UBE2E2: variants seen among roughly 807,000 people sequenced by gnomAD.
The protein encoded by UBE2E2 is ubiquitin-conjugating enzyme E2 E2.
UBE2E2 carries 6 observed loss-of-function variants against 24.7 expected under a neutral mutation model. The ratio of observed to expected loss-of-function variants is 0.24; its 90% CI spans 0.13 to 0.48. The LOEUF is 0.48. Among genes scored for constraint, UBE2E2 ranks in the 20% least tolerant of loss-of-function variants. UBE2E2 has a pLI of 0.99. For synonymous variants in UBE2E2, 104 were observed against 83.6 expected (o/e 1.24, Z -1.33); for missense variants, 169 against 245.0 (o/e 0.69, Z 2.07).
At chr3:23,512,370 AC>A (rs1694619363) in intron 4 of UBE2E2, among the ~76,000 whole-genome samples, 1 of 151,952 alleles carries the variant, frequency 6.6e-6, no homozygotes, top group Non-Finnish European at 1.5e-5. Flanking sequence ...GGCATGTGCC[AC>A]CATGCCTGGC....
intron 3 of UBE2E2, among the ~76,000 whole-genome samples, chr3:23,464,395 A>G (rs1439676230): frequency 1.3e-5 from 2 of 152,202 alleles, no homozygotes; most frequent in Non-Finnish European, 2.9e-5. Flanking sequence ...ATGTCTGCTT[A>G]GTATCTGCAT....
At chr3:23,244,896 A>G (rs1697353882) in intron 3 of UBE2E2, among the ~76,000 whole-genome samples, 2 of 152,188 alleles carry the variant, frequency 1.3e-5, no homozygotes, top group South Asian at 2.1e-4. Context: ...GATCTGAAGA[A>G]CAGTGATAAA....
chr3:23,534,295 T>C, intron 5 of UBE2E2: 3 of 947,636 alleles, frequency 3.2e-6, no homozygotes, highest in Non-Finnish European at 3.8e-6. Context: ...AAGCCTTCTC[T>C]CAGCAATCAA....
chr3:23,271,247 A>G (rs370680269), intron 3 of UBE2E2: 41 of 356,792 alleles, frequency 1.1e-4, no homozygotes, highest in South Asian at 8.4e-4. Context: ...GTTCTTAAAG[A>G]TGGTGTGTCT....
At chr3:23,295,226 A>C (rs1243252935) in intron 3 of UBE2E2, among the ~76,000 whole-genome samples, 1 of 152,090 alleles carries the variant, frequency 6.6e-6, no homozygotes, top group African/African-American at 2.4e-5. Flanking sequence ...CTCTGAAACT[A>C]TCTCCCTTGA....
rs182455896 is a variant in UBE2E2 at position 23,225,354 on chromosome 3, T to C, written c.227+8042T>C. Among the ~76,000 whole-genome samples, 98 of 152,280 alleles carry C rather than the reference T, an allele frequency of 6.4e-4. 5 individuals are homozygous for C. In the East Asian group the frequency reaches 0.015, roughly 24 times the overall value. ...TGTTGTTTGTGCATTTGGTGTCATATCTTAGAAACCATTGCCTAATCCAAG... is the reference window on the plus strand; with the variant it reads ...TGTTGTTTGTGCATTTGGTGTCATACCTTAGAAACCATTGCCTAATCCAAG... On this transcript the variant is annotated intron_variant, in intron 3 of 5. Transcript: ENST00000396703.
chr3:23,266,368 C>G (rs1336794150), intron 3 of UBE2E2, among the ~76,000 whole-genome samples: 2 of 152,224 alleles, frequency 1.3e-5, no homozygotes, highest in East Asian at 3.9e-4. Flanking sequence ...TCAGCATTTG[C>G]TTGTCTGTAA....
At position 23,354,055 on chromosome 3, in the gene UBE2E2, C is replaced by T. The variant is rs192027823; in HGVS notation, c.227+136743C>T. Among the ~76,000 whole-genome samples, 14 of 152,274 alleles carry T rather than the reference C, an allele frequency of 9.2e-5. No individual in the cohort carries two copies. The East Asian group carries it at 2.3e-3, about 25-fold the overall frequency. ...AAAACAGAGATATAGATCAGCGGAA[C>T]AGAACAGAGCCCTCAGAAATAACGC... On this transcript the variant is annotated intron_variant, in intron 3 of 5. Transcript: ENST00000396703.
chr3:23,331,384 T>A (rs1352397309), intron 3 of UBE2E2, among the ~76,000 whole-genome samples: 1 of 152,030 alleles, frequency 6.6e-6, no homozygotes, highest in Non-Finnish European at 1.5e-5. Context: ...GAGTTTACAT[T>A]GTAGTGGAGG....
intron 3 of UBE2E2, among the ~76,000 whole-genome samples, chr3:23,398,920 A>T (rs758505463): frequency 3.3e-5 from 5 of 152,194 alleles, no homozygotes; most frequent in Non-Finnish European, 7.3e-5. Context: ...TTTCTTAGAT[A>T]AAAATAAAAA....
At chr3:23,257,522 C>CA in intron 3 of UBE2E2, among the ~76,000 whole-genome samples, 1 of 66,358 alleles carries the variant, frequency 1.5e-5, no homozygotes, top group Non-Finnish European at 3.2e-5. Context: ...GCCCCCCCCC[C>CA]CCCCCCACTT....
intron 3 of UBE2E2, among the ~76,000 whole-genome samples, chr3:23,446,699 G>GGTT: frequency 8.9e-6 from 1 of 112,218 alleles, no homozygotes; most frequent in Non-Finnish European, 1.7e-5. Context: ...CGTCTGTTTG[G>GGTT]TTTTTTTTTT....
chr3:23,460,655 T>A (rs1043001018), intron 3 of UBE2E2, among the ~76,000 whole-genome samples: 5 of 152,172 alleles, frequency 3.3e-5, no homozygotes, highest in Non-Finnish European at 2.9e-5. Context: ...AAAGGAGAGA[T>A]TATTTTCTTT....
chr3:23,208,689 C>G lies in UBE2E2; in HGVS notation c.-8-3C>G. The G allele has an allele frequency of 6.3e-7, 1 of 1,587,488 alleles. No homozygotes were observed. The highest frequency in any genetic ancestry group is 8.6e-7 in the Non-Finnish European group (1 of 1,167,666). On this transcript the variant is annotated splice_region_variant and splice_polypyrimidine_tract_variant and intron_variant, in intron 1 of 5. Transcript: ENST00000396703. The stretch of plus-strand genomic sequence containing the variant: ...ATAAATGATTTTTGATTCTTTAATC[C>G]AGGATCTAAAATGTCCACTGAGGCA...
chr3:23,295,961 C>A (rs1259923503), intron 3 of UBE2E2, among the ~76,000 whole-genome samples: 1 of 152,204 alleles, frequency 6.6e-6, no homozygotes, highest in Non-Finnish European at 1.5e-5. Context: ...TCTAAATAAA[C>A]ATGACCATAG....
chr3:23,313,788 G>A (rs1020019562), intron 3 of UBE2E2, among the ~76,000 whole-genome samples: 11 of 152,118 alleles, frequency 7.2e-5, no homozygotes, highest in South Asian at 6.2e-4. Context: ...TGCTCCTGCC[G>A]TTTTGTTACT....
chr3:23,226,804 T>C (rs1343036890), intron 3 of UBE2E2, among the ~76,000 whole-genome samples: 1 of 151,898 alleles, frequency 6.6e-6, no homozygotes, highest in East Asian at 1.9e-4. Context: ...AAATACTGAG[T>C]AAAAGAGAGT....
chr3:23,443,425 C>G (rs921114685), intron 3 of UBE2E2, among the ~76,000 whole-genome samples: 11 of 152,158 alleles, frequency 7.2e-5, no homozygotes, highest in African/African-American at 2.7e-4. Context: ...TGCCACCACT[C>G]AGTCCTGTAG....
chr3:23,214,568 G>GTT (rs1345810036), intron 2 of UBE2E2, among the ~76,000 whole-genome samples: 1 of 146,878 alleles, frequency 6.8e-6, no homozygotes, highest in African/African-American at 2.5e-5. Context: ...GGATTTATGA[G>GTT]TTTTTTTTTT....
Sources: allele counts gnomAD v4.1 joint callset (sites outside exome capture counted in the v4.1 genomes callset), GRCh38; gene constraint gnomAD v4.1.1; transcripts MANE v1.5; gene names NCBI Gene and HGNC (gene_info 2026-07-23, HGNC 2026-07-21).